Variants in ASTN1 observed in about 807,000 individuals in gnomAD.
ASTN1 encodes the protein astrotactin-1.
ASTN1 carries 41 observed loss-of-function variants against 140.7 expected under a neutral mutation model. The ratio of observed to expected loss-of-function variants is 0.29; its 90% CI spans 0.23 to 0.38. The LOEUF (loss-of-function observed/expected upper bound fraction) is 0.38, where lower values mean the gene tolerates loss of function less well. Ranked by LOEUF, ASTN1 falls within the 10% of genes least tolerant of loss-of-function variation. The pLI is 1.00. For synonymous variants in ASTN1, 640 were observed against 652.2 expected, an observed-to-expected ratio of 0.98 and a Z score of 0.29; for missense variants, 1,479 against 1,678.8, an observed-to-expected ratio of 0.88 and a Z score of 2.08.
chr1:176,896,167 T>C (rs1398101299), intron 16 of ASTN1, among the ~76,000 whole-genome samples: 1 of 152,184 alleles, frequency 6.6e-6, no homozygotes, highest in Admixed American at 6.5e-5. Context: ...CACGAGGCAT[T>C]TCAGCATTGT....
chr1:177,035,450 G>A (rs193171682), intron 2 of ASTN1, among the ~76,000 whole-genome samples: 6 of 152,290 alleles, frequency 3.9e-5, no homozygotes, highest in Admixed American at 2.6e-4. Flanking sequence ...TGCACATCTA[G>A]CTGACAGTGG....
chr1:177,007,386 C>T (rs553778567), intron 8 of ASTN1, among the ~76,000 whole-genome samples: 8 of 150,862 alleles, frequency 5.3e-5, no homozygotes, highest in South Asian at 2.1e-4. Context: ...AGTGAAATGC[C>T]GTCTCAAAAA....
intron 16 of ASTN1, among the ~76,000 whole-genome samples, chr1:176,917,776 C>T (rs752741729): frequency 9.2e-5 from 14 of 152,260 alleles, no homozygotes; most frequent in Non-Finnish European, 1.8e-4. Context: ...GCACACTCAC[C>T]TTGGAGACAC....
intron 1 of ASTN1, among the ~76,000 whole-genome samples, chr1:177,090,219 GT>G (rs1679680712): frequency 6.6e-6 from 1 of 151,046 alleles, no homozygotes; most frequent in Admixed American, 6.6e-5. Context: ...CCAGCAATCA[GT>G]TACCCACACA....
chr1:177,013,421 G>C (rs1184601706), intron 8 of ASTN1, among the ~76,000 whole-genome samples: 1 of 152,208 alleles, frequency 6.6e-6, no homozygotes, highest in Non-Finnish European at 1.5e-5. Flanking sequence ...TCATCAGCTG[G>C]CTAAGTTCTC....
intron 1 of ASTN1, among the ~76,000 whole-genome samples, chr1:177,062,205 G>T (rs1460147585): frequency 6.6e-6 from 1 of 151,792 alleles, no homozygotes; most frequent in East Asian, 1.9e-4. Context: ...TGCTGAACAT[G>T]TGTTTAGTAA....
At chr1:176,859,860 G>A (rs1022701684), downstream of ASTN1, among the ~76,000 whole-genome samples, 1 of 152,204 alleles carries the variant, frequency 6.6e-6, no homozygotes, top group Non-Finnish European at 1.5e-5. Flanking sequence ...ATTTGGTGAG[G>A]GGGACAGATA....
intron 8 of ASTN1, among the ~76,000 whole-genome samples, chr1:176,980,868 T>C (rs1247461154): frequency 2.0e-5 from 3 of 152,068 alleles, no homozygotes; most frequent in Admixed American, 2.0e-4. Flanking sequence ...TTTCATTCAA[T>C]CAGCAAACAA....
At chr1:177,136,517 T>C (rs1047238794) in intron 1 of ASTN1, among the ~76,000 whole-genome samples, 1 of 152,000 alleles carries the variant, frequency 6.6e-6, no homozygotes, top group African/African-American at 2.4e-5. Context: ...AACCGCCCAG[T>C]TAATTTTTGC....
intron 8 of ASTN1, among the ~76,000 whole-genome samples, chr1:176,997,181 C>A (rs537796717): frequency 6.6e-6 from 1 of 152,286 alleles, no homozygotes; most frequent in South Asian, 2.1e-4. Context: ...ACAAGCCAGG[C>A]ACTCTCACTT....
intron 4 of ASTN1, among the ~76,000 whole-genome samples, chr1:177,030,039 A>G (rs1676346592): frequency 1.3e-5 from 2 of 152,200 alleles, no homozygotes; most frequent in African/African-American, 2.4e-5. Flanking sequence ...AATAGGAAGA[A>G]AGGGAAATTT....
chr1:177,139,170 C>T (rs1033646146), intron 1 of ASTN1, among the ~76,000 whole-genome samples: 1 of 151,874 alleles, frequency 6.6e-6, no homozygotes, highest in Admixed American at 6.6e-5. Context: ...GACAAGGGTG[C>T]TAAAAAAAAG....
At chr1:177,060,591 A>G (rs1330750811) in intron 2 of ASTN1, among the ~76,000 whole-genome samples, 1 of 152,136 alleles carries the variant, frequency 6.6e-6, no homozygotes, top group East Asian at 1.9e-4. Flanking sequence ...GCTCACTGCA[A>G]CCTTCACCTC....
intron 1 of ASTN1, among the ~76,000 whole-genome samples, chr1:177,081,130 G>A (rs1679160944): frequency 6.6e-6 from 1 of 152,080 alleles, no homozygotes; most frequent in Non-Finnish European, 1.5e-5. Context: ...TGCATTGGTG[G>A]TACCACTCTA....
intron 1 of ASTN1, among the ~76,000 whole-genome samples, chr1:177,101,200 T>A (rs759118457): frequency 6.6e-6 from 1 of 152,196 alleles, no homozygotes; most frequent in Admixed American, 6.5e-5. Context: ...ATTCCACTCA[T>A]TATTATACAT....
chr1:177,089,501 C>T (rs192891456), intron 1 of ASTN1, among the ~76,000 whole-genome samples: 61 of 152,252 alleles, frequency 4.0e-4, no homozygotes, highest in African/African-American at 1.5e-3. Context: ...ATAAGATCAA[C>T]GTTTGCTTCT....
At chr1:176,990,892 C>A (rs1448673119) in intron 8 of ASTN1, among the ~76,000 whole-genome samples, 1 of 152,222 alleles carries the variant, frequency 6.6e-6, no homozygotes, top group Non-Finnish European at 1.5e-5. Context: ...TAAACAACCT[C>A]TCTTCCCTGG....
intron 1 of ASTN1, among the ~76,000 whole-genome samples, chr1:177,121,015 G>A (rs969723145): frequency 1.8e-4 from 28 of 152,084 alleles, no homozygotes; most frequent in Admixed American, 1.2e-3. Context: ...TCAGATCTGC[G>A]AATTAAAAGC....
At chr1:176,991,063 T>C (rs1674134713) in intron 8 of ASTN1, among the ~76,000 whole-genome samples, 1 of 152,184 alleles carries the variant, frequency 6.6e-6, no homozygotes, top group African/African-American at 2.4e-5. Context: ...CCAAAGTCCC[T>C]CATTTCTCTG....
Sources: allele counts gnomAD v4.1 joint callset (sites outside exome capture counted in the v4.1 genomes callset), GRCh38; gene constraint gnomAD v4.1.1; transcripts MANE v1.5; gene names NCBI Gene and HGNC (gene_info 2026-07-23, HGNC 2026-07-21).